PCDH15: variants seen among roughly 807,000 people sequenced by gnomAD.
PCDH15 encodes protocadherin related 15.
A neutral mutation model predicts 178.5 loss-of-function variants in PCDH15; 129 were observed. The ratio of observed to expected loss-of-function variants is 0.72; its 90% CI spans 0.63 to 0.84. The LOEUF is 0.84. PCDH15 is among the 40% of genes least tolerant of loss of function. PCDH15 has a pLI of 0.00. For synonymous variants in PCDH15, 800 were observed against 732.0 expected, an observed-to-expected ratio of 1.09 and a Z score of -1.50; for missense variants, 2,230 against 2,099.9, an observed-to-expected ratio of 1.06 and a Z score of -1.21.
chr10:54,346,544 G>A (rs752588449), intron 5 of PCDH15, 60 bp from the exon 6 acceptor site: 145 of 1,593,264 alleles, frequency 9.1e-5, no homozygotes, highest in Non-Finnish European at 1.2e-4. Context: ...CACCAGAAAT[G>A]TTACAGCATA....
chr10:55,399,718 AAGGGCAAAAGC>A (rs1472290949), intron 2 of PCDH15, among the ~76,000 whole-genome samples: 1 of 152,164 alleles, frequency 6.6e-6, no homozygotes, highest in African/African-American at 2.4e-5. Context: ...TGTGCTGTTC[AAGGGCAAAAGC>A]AAAATCATAA....
At chr10:55,364,853 C>T (rs1845316437) in intron 2 of PCDH15, among the ~76,000 whole-genome samples, 2 of 151,938 alleles carry the variant, frequency 1.3e-5, no homozygotes, top group Admixed American at 6.6e-5. Flanking sequence ...CTCCCTTCTG[C>T]TATTGAGCCC....
chr10:55,544,759 G>T (rs1268900377), intron 2 of PCDH15, among the ~76,000 whole-genome samples: 3 of 152,066 alleles, frequency 2.0e-5, no homozygotes, highest in African/African-American at 7.2e-5. Flanking sequence ...TCAATACACA[G>T]GCATGTGTGT....
chr10:54,359,820 G>T (rs1015666543), intron 5 of PCDH15, among the ~76,000 whole-genome samples: 12 of 147,300 alleles, frequency 8.1e-5, no homozygotes, highest in African/African-American at 2.9e-4. Flanking sequence ...AAATTTCAAA[G>T]AAAAGCTAAA....
chr10:54,234,875 C>T (rs891354584), intron 9 of PCDH15, among the ~76,000 whole-genome samples: 3 of 152,134 alleles, frequency 2.0e-5, no homozygotes, highest in African/African-American at 7.2e-5. Context: ...TTAATTGGCT[C>T]CTCATTTCAC....
intron 1 of PCDH15, among the ~76,000 whole-genome samples, chr10:54,732,417 C>T (rs887435856): frequency 6.6e-6 from 1 of 151,462 alleles, no homozygotes; most frequent in African/African-American, 2.4e-5. Context: ...TGTAACAACT[C>T]TACATTTGCA....
At chr10:54,814,490 C>T (rs1415162581) in intron 3 of PCDH15, among the ~76,000 whole-genome samples, 2 of 152,042 alleles carry the variant, frequency 1.3e-5, no homozygotes, top group Admixed American at 6.6e-5. Flanking sequence ...GGTCATTATA[C>T]CACATTTTAC....
chr10:54,005,515 C>A (rs1314830973), intron 20 of PCDH15, among the ~76,000 whole-genome samples: 1 of 152,014 alleles, frequency 6.6e-6, no homozygotes, highest in South Asian at 2.1e-4. Flanking sequence ...ACAAAAATTT[C>A]TCAAAAGAAG....
At chr10:54,307,576 C>G (rs912198751) in intron 8 of PCDH15, among the ~76,000 whole-genome samples, 1 of 151,916 alleles carries the variant, frequency 6.6e-6, no homozygotes. Context: ...TATTTTGGCT[C>G]ACAGTATCAC....
chr10:55,481,927 G>A (rs534121076), intron 2 of PCDH15, among the ~76,000 whole-genome samples: 1 of 151,768 alleles, frequency 6.6e-6, no homozygotes, highest in South Asian at 2.1e-4. Context: ...CTGTCAGTGG[G>A]GTGTTAAATT....
intron 3 of PCDH15, among the ~76,000 whole-genome samples, chr10:54,870,751 A>AC (rs1436790904): frequency 6.6e-6 from 1 of 152,016 alleles, no homozygotes; most frequent in Non-Finnish European, 1.5e-5. Context: ...GCACCACTGC[A>AC]CTCTAGCCTG....
intron 3 of PCDH15, among the ~76,000 whole-genome samples, chr10:54,458,255 A>G (rs577768227): frequency 6.6e-6 from 1 of 151,920 alleles, no homozygotes; most frequent in East Asian, 1.9e-4. Flanking sequence ...CCCTTAGTCC[A>G]TGGAGAATTA....
At chr10:55,233,543 T>C (rs2589413) in intron 1 of PCDH15, among the ~76,000 whole-genome samples, 64,697 of 151,906 alleles carry the variant, frequency 0.43, 13,869 homozygotes, top group South Asian at 0.48. Context: ...AAAAATAAAG[T>C]CAACTTCATA....
chr10:54,114,967 T>A (rs566481313), intron 15 of PCDH15, among the ~76,000 whole-genome samples: 1 of 152,214 alleles, frequency 6.6e-6, no homozygotes, highest in Non-Finnish European at 1.5e-5. Flanking sequence ...AAATGTGAAG[T>A]CATTTTAGGT....
rs146600068 is a variant in PCDH15 at position 54,721,903 on chromosome 10, G to A, written c.-28-57613C>T. On this transcript the variant is annotated intron_variant, in intron 1 of 37. Coordinates refer to ENST00000644397, the MANE Select transcript of PCDH15 (RefSeq NM_001384140.1). ...TATCATCTTGATAACAAAATCGAGC[G>A]AGGCGACAATGTAAAAGAAAGCTAC... 3.2e-4 allele frequency among the ~76,000 whole-genome samples: 49 copies of A among 151,752 alleles called. 1 individual carries two copies. In the East Asian group the frequency reaches 5.8e-3, roughly 18 times the overall value.
intron 2 of PCDH15, among the ~76,000 whole-genome samples, chr10:55,156,016 A>G (rs963938608): frequency 1.3e-5 from 2 of 152,152 alleles, no homozygotes; most frequent in African/African-American, 2.4e-5. Context: ...AATGGATGGC[A>G]ACAACACGTG....
At chr10:55,145,615 T>A (rs1838485938) in intron 2 of PCDH15, among the ~76,000 whole-genome samples, 1 of 152,014 alleles carries the variant, frequency 6.6e-6, no homozygotes, top group African/African-American at 2.4e-5. Flanking sequence ...GTTGTGTGTT[T>A]TGGAAGTAGA....
At chr10:55,186,161 C>T (rs761191393) in intron 1 of PCDH15, among the ~76,000 whole-genome samples, 1 of 151,228 alleles carries the variant, frequency 6.6e-6, no homozygotes, top group African/African-American at 2.4e-5. Flanking sequence ...TGAAAAAATA[C>T]ATTATTTGAC....
At chr10:54,874,364 G>A (rs1355761696) in intron 3 of PCDH15, among the ~76,000 whole-genome samples, 1 of 148,166 alleles carries the variant, frequency 6.7e-6, no homozygotes, top group Non-Finnish European at 1.5e-5. Context: ...TCTTAATCCA[G>A]TCTATCATTG....
Sources: allele counts gnomAD v4.1 joint callset (sites outside exome capture counted in the v4.1 genomes callset), GRCh38; gene constraint gnomAD v4.1.1; transcripts MANE v1.5; gene names NCBI Gene and HGNC (gene_info 2026-07-23, HGNC 2026-07-21).